The following CTNNA3 variants were observed in gnomAD, a reference collection of about 807,000 sequenced individuals.
CTNNA3 encodes catenin alpha-3.
A neutral mutation model predicts 95.7 loss-of-function variants in CTNNA3; 76 were observed. That is an observed-to-expected ratio of 0.79 (90% CI 0.66 to 0.96). CTNNA3 has a LOEUF of 0.96. Among genes scored for constraint, CTNNA3 ranks in the 40% least tolerant of loss-of-function variants. CTNNA3 has a pLI of 0.00. For missense variants in CTNNA3, 1,191 were observed against 1,089.8 expected (o/e 1.09, Z -1.31); for synonymous variants, 431 against 374.4 (o/e 1.15, Z -1.74).
chr10:66,857,747 C>T (rs111595683), intron 7 of CTNNA3, among the ~76,000 whole-genome samples: 4 of 151,994 alleles, frequency 2.6e-5, no homozygotes, highest in African/African-American at 4.8e-5. Flanking sequence ...GATTTTTGTA[C>T]GTTGATTTTG....
At chr10:67,650,840 C>A (rs1839857862) in intron 1 of CTNNA3, among the ~76,000 whole-genome samples, 1 of 152,084 alleles carries the variant, frequency 6.6e-6, no homozygotes, top group Non-Finnish European at 1.5e-5. Flanking sequence ...CACAGAGAGG[C>A]CAGTGGAAAA....
In CTNNA3 at chr10:67,466,005, T is replaced by G. The variant is rs575872964; in HGVS notation, c.579+55837A>C. 7.1e-4 allele frequency among the ~76,000 whole-genome samples: 108 copies of G among 152,310 alleles called. No individual in the cohort carries two copies. The Middle Eastern group carries it at 0.01, about 14-fold the overall frequency. ...TGTTTTCTACCTGTCAGGTTATTTTTTATTTGCCATTTTAGTTTGTATCTA... is the reference window on the plus strand; with the variant it reads ...TGTTTTCTACCTGTCAGGTTATTTTGTATTTGCCATTTTAGTTTGTATCTA... On this transcript the variant is annotated intron_variant, in intron 5 of 17. Coordinates refer to ENST00000433211, the MANE Select transcript of CTNNA3 (RefSeq NM_013266.4).
chr10:66,379,143 C>G lies in CTNNA3; in HGVS notation c.1732+9G>C. ...GAAATTGTGCAGCTGTTATTGGCAA[C>G]TGACTTACCAGTACTTGTAAGGAAG... On this transcript the variant is annotated intron_variant, in intron 12 of 17. Coordinates refer to ENST00000433211, the MANE Select transcript of CTNNA3 (RefSeq NM_013266.4). 2 of 1,609,188 alleles carry G rather than the reference C, an allele frequency of 1.2e-6. No individual in the cohort carries two copies. The highest frequency in any genetic ancestry group is 1.7e-6 in the Non-Finnish European group (2 of 1,175,544).
Position 67,398,986 on chromosome 10 carries a change from C to T in CTNNA3, c.579+122856G>A, listed in dbSNP as rs548864281. On this transcript the variant is annotated intron_variant, in intron 5 of 17. Coordinates refer to ENST00000433211, the MANE Select transcript of CTNNA3 (RefSeq NM_013266.4). ...ATAAATTACCCAGTCTCAGATATGT[C>T]TTTATTAGCAGCATGAGAACAGAAC... Among the ~76,000 whole-genome samples, 99 of 152,198 alleles carry T rather than the reference C, an allele frequency of 6.5e-4. 1 individual carries two copies. The highest frequency in any genetic ancestry group is 2.6e-4 in the Non-Finnish European group (18 of 68,018).
chr10:67,021,217 G>GA (rs35352573), intron 7 of CTNNA3, among the ~76,000 whole-genome samples: 5 of 151,606 alleles, frequency 3.3e-5, no homozygotes, highest in East Asian at 3.9e-4. Flanking sequence ...ACAATACTGG[G>GA]AAAAAAAAGC....
At chr10:66,975,386 T>C (rs907139384) in intron 7 of CTNNA3, among the ~76,000 whole-genome samples, 4 of 152,208 alleles carry the variant, frequency 2.6e-5, no homozygotes, top group African/African-American at 9.6e-5. Context: ...GTACTTGACT[T>C]AGTTATGATT....
At chr10:66,549,215 C>G (rs2659986) in intron 10 of CTNNA3, among the ~76,000 whole-genome samples, 98,133 of 151,720 alleles carry the variant, frequency 0.65, 34,513 homozygotes, top group Non-Finnish European at 0.79. Context: ...AGGATGCTCT[C>G]CATCTCCTGA....
intron 12 of CTNNA3, among the ~76,000 whole-genome samples, chr10:66,298,041 C>T (rs1486225608): frequency 6.6e-6 from 1 of 152,150 alleles, no homozygotes; most frequent in Non-Finnish European, 1.5e-5. Context: ...ATTTAATTAA[C>T]CAGTTAGGAG....
intron 2 of CTNNA3, among the ~76,000 whole-genome samples, chr10:67,621,582 T>C (rs905077240): frequency 1.2e-4 from 18 of 151,966 alleles, no homozygotes; most frequent in African/African-American, 4.4e-4. Context: ...ACCCTGTCTC[T>C]ACTAAAAATA....
At chr10:67,280,874 C>A (rs1440720088) in intron 5 of CTNNA3, among the ~76,000 whole-genome samples, 2 of 152,116 alleles carry the variant, frequency 1.3e-5, no homozygotes, top group Non-Finnish European at 2.9e-5. Flanking sequence ...AGTCTTATAT[C>A]TGTGGGACTC....
chr10:66,063,484 C>CT (rs982290700), intron 15 of CTNNA3, among the ~76,000 whole-genome samples: 18 of 151,428 alleles, frequency 1.2e-4, no homozygotes, highest in African/African-American at 4.1e-4. Context: ...ATTTCTTTCA[C>CT]TTTTTTTACA....
chr10:67,079,107 C>T (rs556839937), intron 7 of CTNNA3, among the ~76,000 whole-genome samples: 15 of 152,244 alleles, frequency 9.9e-5, no homozygotes, highest in African/African-American at 3.4e-4. Context: ...AGGAATAATC[C>T]ATATTTATAA....
At chr10:67,687,406 A>T (rs988532812) in intron 1 of CTNNA3, among the ~76,000 whole-genome samples, 5 of 152,160 alleles carry the variant, frequency 3.3e-5, no homozygotes, top group African/African-American at 1.2e-4. Context: ...TCTTTTTTAA[A>T]GTGTCCTTGC....
At chr10:66,472,128 T>C (rs1259838557) in intron 11 of CTNNA3, among the ~76,000 whole-genome samples, 1 of 151,968 alleles carries the variant, frequency 6.6e-6, no homozygotes, top group Admixed American at 6.6e-5. Context: ...GATGCTAGCC[T>C]ATATACACAT....
chr10:67,311,586 T>A (rs1840802409), intron 5 of CTNNA3, among the ~76,000 whole-genome samples: 1 of 152,168 alleles, frequency 6.6e-6, no homozygotes, highest in African/African-American at 2.4e-5. Context: ...CAAAACTCAA[T>A]CAACCATTAA....
At chr10:66,481,673 G>A (rs996458037) in intron 11 of CTNNA3, among the ~76,000 whole-genome samples, 3 of 134,950 alleles carry the variant, frequency 2.2e-5, no homozygotes, top group African/African-American at 6.8e-5. Context: ...GGGTTTCACC[G>A]TGTTAGCCAG....
At chr10:66,378,040 T>C (rs561308222) in intron 12 of CTNNA3, among the ~76,000 whole-genome samples, 62 of 152,228 alleles carry the variant, frequency 4.1e-4, no homozygotes, top group African/African-American at 1.4e-3. Context: ...ATTTTGTTTA[T>C]CAACTTGCTA....
At chr10:66,182,547 G>A (rs1446462989) in intron 13 of CTNNA3, among the ~76,000 whole-genome samples, 6 of 152,040 alleles carry the variant, frequency 3.9e-5, no homozygotes, top group Admixed American at 1.3e-4. Flanking sequence ...GAGCCACCGC[G>A]CCCGGCCGGA....
chr10:67,099,128 G>T (rs1170023330), intron 7 of CTNNA3: 21 of 151,576 alleles, frequency 1.4e-4, no homozygotes, highest in Admixed American at 1.4e-3. Flanking sequence ...AATTATCAAA[G>T]AAATAACTCA....
Sources: gnomAD v4.1 joint callset for allele counts (sites outside exome capture counted in the v4.1 genomes callset) on GRCh38, gnomAD v4.1.1 for gene constraint, MANE v1.5 for transcripts, NCBI Gene and HGNC (gene_info 2026-07-23, HGNC 2026-07-21) for gene names.